The following NRXN3 variants were observed in gnomAD, a reference collection of about 807,000 sequenced individuals.
NRXN3 encodes neurexin III.
A neutral mutation model predicts 137.6 loss-of-function variants in NRXN3; 32 were observed. The ratio of observed to expected loss-of-function variants is 0.23; its 90% CI spans 0.18 to 0.31. The LOEUF is 0.31. NRXN3 is among the 10% of genes least tolerant of loss of function. The pLI, the probability that NRXN3 is intolerant of heterozygous loss-of-function variation, is 1.00. For synonymous variants in NRXN3, 798 were observed against 784.5 expected (o/e 1.02, Z -0.29); for missense variants, 1,574 against 2,062.5 (o/e 0.76, Z 4.59).
At chr14:78,264,664 G>C (rs1596518083) in intron 2 of NRXN3, among the ~76,000 whole-genome samples, 1 of 152,246 alleles carries the variant, frequency 6.6e-6, no homozygotes, top group African/African-American at 2.4e-5. Context: ...AAAGTGGTCT[G>C]TTTTGCAGCC....
In NRXN3 at chr14:78,539,009, A is replaced by T. The variant is rs1026140575; in HGVS notation, c.758-106111A>T. 1.3e-4 allele frequency among the ~76,000 whole-genome samples: 20 copies of T among 152,256 alleles called. 1 individual carries two copies. The highest frequency in any genetic ancestry group is 4.6e-4 in the African/African-American group (19 of 41,556). ...AGCTTTTTGATGTGCTGCTGGATTC[A>T]GTTCGAAAGTATTTTATTGAGGATT... On this transcript the variant is annotated intron_variant, in intron 4 of 20. Transcript: ENST00000335750.
At chr14:78,581,362 G>A (rs1004727375) in intron 4 of NRXN3, among the ~76,000 whole-genome samples, 5 of 152,062 alleles carry the variant, frequency 3.3e-5, no homozygotes, top group African/African-American at 1.2e-4. Context: ...GTCTGCTGAG[G>A]GCTGCTCTCT....
rs154313 is a variant in NRXN3 at position 78,886,687 on chromosome 14, G to A, written c.2276-70555G>A. ...ACTGATTTCATTAAAATATTTAACA[G>A]TCTTATGAAAGACTAAAGAATCATT... is the stretch of plus-strand genomic sequence containing the variant. On this transcript the variant is annotated intron_variant, in intron 10 of 20. Coordinates refer to ENST00000335750, the MANE Select transcript of NRXN3 (RefSeq NM_001330195.2). 8.9e-3 allele frequency among the ~76,000 whole-genome samples: 1,353 copies of A among 152,198 alleles called. 15 individuals are homozygous for A. Among genetic ancestry groups the A allele is most frequent in the African/African-American group, 0.031 (1,304 of 41,536 alleles).
rs61249208 is a variant in NRXN3 at position 78,204,255 on chromosome 14, A to ATT, written c.-704+33591_-704+33592dup. On this transcript the variant is annotated intron_variant, in intron 1 of 20. Coordinates refer to ENST00000335750, the MANE Select transcript of NRXN3 (RefSeq NM_001330195.2). ...TATTAGATAGGCCTAAAAAAGTGACATTTTTTTTTTTGTTTTAACCTTGGC... is the reference window on the plus strand; with the variant it reads ...TATTAGATAGGCCTAAAAAAGTGACATTTTTTTTTTTTTGTTTTAACCTTGGC... Among the ~76,000 whole-genome samples, 1,094 of 148,200 alleles carry ATT rather than the reference A, an allele frequency of 7.4e-3. 32 individuals carry two copies. The highest frequency in any genetic ancestry group is 0.055 in the Admixed American group (814 of 14,854).
intron 4 of NRXN3, among the ~76,000 whole-genome samples, chr14:78,626,270 T>C (rs1375761319): frequency 6.6e-6 from 1 of 152,086 alleles, no homozygotes; most frequent in African/African-American, 2.4e-5. Flanking sequence ...TCTTCAAGGG[T>C]GGGAGGATTG....
intron 16 of NRXN3, among the ~76,000 whole-genome samples, chr14:79,548,934 A>G (rs896384067): frequency 1.3e-5 from 2 of 152,088 alleles, no homozygotes; most frequent in Admixed American, 6.6e-5. Context: ...TGACTCAGTA[A>G]TCTCCTATGC....
At chr14:79,082,455 G>A (rs2047242398) in intron 15 of NRXN3, among the ~76,000 whole-genome samples, 1 of 151,092 alleles carries the variant, frequency 6.6e-6, no homozygotes, top group South Asian at 2.1e-4. Flanking sequence ...GATGGCACAG[G>A]GGCTCTCAAA....
chr14:78,661,801 G>C (rs2097843975), intron 6 of NRXN3, among the ~76,000 whole-genome samples: 1 of 152,072 alleles, frequency 6.6e-6, no homozygotes, highest in African/African-American at 2.4e-5. Flanking sequence ...ATACCTACTT[G>C]ATAGGGCTGT....
chr14:78,941,732 T>C (rs575144261), intron 10 of NRXN3, among the ~76,000 whole-genome samples: 1 of 152,340 alleles, frequency 6.6e-6, no homozygotes, highest in South Asian at 2.1e-4. Context: ...AATGCTTACT[T>C]CCCAGTATTC....
intron 4 of NRXN3, among the ~76,000 whole-genome samples, chr14:78,369,316 T>A (rs1353894971): frequency 2.0e-5 from 3 of 152,252 alleles, no homozygotes; most frequent in Middle Eastern, 6.8e-3. Flanking sequence ...TTACTATATA[T>A]GTGAAGACAG....
In NRXN3 at chr14:78,355,185, C is replaced by T. The variant is rs79147772; in HGVS notation, c.757+57325C>T. Among the ~76,000 whole-genome samples the T allele has an allele frequency of 2.6e-3, 397 of 152,200 alleles. 1 individual carries two copies. The highest frequency in any genetic ancestry group is 9.0e-3 in the African/African-American group (375 of 41,528). On this transcript the variant is annotated intron_variant, in intron 4 of 20. Transcript: ENST00000335750. Reference sequence around the variant, plus strand: ...AAATAAAATATTTTCACGTTAAATCCACCTTTCTCCCCTGCCAAAGTTTCC... The same window carrying T: ...AAATAAAATATTTTCACGTTAAATCTACCTTTCTCCCCTGCCAAAGTTTCC...
At chr14:78,179,177 G>A (rs544538180) in intron 1 of NRXN3, among the ~76,000 whole-genome samples, 2 of 152,282 alleles carry the variant, frequency 1.3e-5, no homozygotes, top group Admixed American at 6.5e-5. Context: ...CCCTACATCT[G>A]TGTCACAGGA....
chr14:79,072,227 C>T (rs969557330), intron 15 of NRXN3: 4 of 152,096 alleles, frequency 2.6e-5, no homozygotes, highest in African/African-American at 9.7e-5. Flanking sequence ...GTGTATGAAA[C>T]CGGTAAATAT....
rs1205593205 is a variant in NRXN3, at chr14:78,803,831, A to G, written c.2248+8A>G. On this transcript the variant is annotated splice_region_variant and intron_variant, in intron 9 of 20. Coordinates refer to ENST00000335750, the MANE Select transcript of NRXN3 (RefSeq NM_001330195.2). ...AGCTCATGGTTAACTTAGGTATCGT[A>G]TGAAGTACCCTCTGCCACTTCGTTT... 2.5e-6 allele frequency: 4 copies of G among 1,611,368 alleles called. No individual in the cohort carries two copies. The highest frequency in any genetic ancestry group is 3.4e-6 in the Non-Finnish European group (4 of 1,179,086).
In NRXN3 at chr14:79,199,493, G is replaced by T. The variant is rs368219812; in HGVS notation, c.3262+211352G>T. 6.6e-4 allele frequency among the ~76,000 whole-genome samples: 101 copies of T among 152,306 alleles called. 1 individual carries two copies. In the South Asian group the frequency reaches 0.019, roughly 29 times the overall value. On this transcript the variant is annotated intron_variant, in intron 15 of 20. Transcript: ENST00000335750. ...ATGTTCACTAACGTAATTTTTAAGGGAGAAGATATAAAGATTACCAGAGTT... is the reference window on the plus strand; with the variant it reads ...ATGTTCACTAACGTAATTTTTAAGGTAGAAGATATAAAGATTACCAGAGTT...
chr14:79,740,116 C>G (rs2098955896), intron 19 of NRXN3, among the ~76,000 whole-genome samples: 1 of 152,184 alleles, frequency 6.6e-6, no homozygotes, highest in Non-Finnish European at 1.5e-5. Context: ...CCTCTAGCCC[C>G]TGAGCTGAAA....
intron 19 of NRXN3, among the ~76,000 whole-genome samples, chr14:79,796,714 T>G (rs151185070): frequency 7.2e-4 from 109 of 152,306 alleles, no homozygotes; most frequent in Middle Eastern, 3.4e-3. Context: ...CAAAAGTTAT[T>G]ATAAGTCACG....
chr14:79,660,744 G>T (rs140900718), intron 16 of NRXN3, among the ~76,000 whole-genome samples: 2 of 152,214 alleles, frequency 1.3e-5, no homozygotes, highest in African/African-American at 4.8e-5. Flanking sequence ...GGGGTGAATT[G>T]AATCACCAGC....
At chr14:78,248,439 T>A (rs969153496) in intron 2 of NRXN3, among the ~76,000 whole-genome samples, 3 of 151,750 alleles carry the variant, frequency 2.0e-5, no homozygotes, top group African/African-American at 7.3e-5. Context: ...TTTTTTTTTT[T>A]ATTGAGAATT....
Sources: allele counts gnomAD v4.1 joint callset (sites outside exome capture counted in the v4.1 genomes callset), GRCh38; gene constraint gnomAD v4.1.1; transcripts MANE v1.5; gene names NCBI Gene and HGNC (gene_info 2026-07-23, HGNC 2026-07-21).